CACNA2D2: variants seen among roughly 807,000 people sequenced by gnomAD.
CACNA2D2 encodes the protein voltage-dependent calcium channel subunit alpha-2/delta-2.
Under a neutral mutation model 166.4 loss-of-function variants are expected in CACNA2D2, and 48 were observed. The ratio of observed to expected loss-of-function variants is 0.29; its 90% CI spans 0.23 to 0.37. The LOEUF is 0.37. Ranked by LOEUF, CACNA2D2 falls within the 10% of genes least tolerant of loss-of-function variation. CACNA2D2 has a pLI of 1.00. For synonymous variants in CACNA2D2, 561 were observed against 573.7 expected (o/e 0.98, Z 0.32); for missense variants, 1,122 against 1,433.0 (o/e 0.78, Z 3.50).
intron 1 of CACNA2D2, among the ~76,000 whole-genome samples, chr3:50,485,347 G>A (rs1428840689): frequency 6.6e-6 from 1 of 152,206 alleles, no homozygotes; most frequent in Admixed American, 6.5e-5. Context: ...TCTGTGGACT[G>A]ACAAAACTGA....
At chr3:50,428,120 T>C (rs573601431) in intron 3 of CACNA2D2, among the ~76,000 whole-genome samples, 1 of 152,236 alleles carries the variant, frequency 6.6e-6, no homozygotes, top group African/African-American at 2.4e-5. Flanking sequence ...TGGGGCAACT[T>C]TGCCCCCAGG....
chr3:50,402,837 C>T (rs1706509130), intron 3 of CACNA2D2, among the ~76,000 whole-genome samples: 1 of 152,244 alleles, frequency 6.6e-6, no homozygotes, highest in South Asian at 2.1e-4. Context: ...ACATTTCTCT[C>T]ATCCTTAGAA....
At chr3:50,459,921 C>T (rs1340728660) in intron 2 of CACNA2D2, among the ~76,000 whole-genome samples, 1 of 152,140 alleles carries the variant, frequency 6.6e-6, no homozygotes, top group Non-Finnish European at 1.5e-5. Context: ...CTGCAGCCTG[C>T]TCCCACCAGA....
intron 3 of CACNA2D2, among the ~76,000 whole-genome samples, chr3:50,405,309 C>T (rs1424290244): frequency 7.2e-6 from 1 of 138,268 alleles, no homozygotes; most frequent in East Asian, 2.1e-4. Context: ...GGAATGGAGT[C>T]GTGGGTTGCA....
intron 3 of CACNA2D2, among the ~76,000 whole-genome samples, chr3:50,411,825 C>T (rs1707033731): frequency 6.6e-6 from 1 of 152,146 alleles, no homozygotes; most frequent in Admixed American, 6.5e-5. Flanking sequence ...GCCTGTGGCC[C>T]CTGGGAAAGA....
rs745556824 is a variant in CACNA2D2 at position 50,365,404 on chromosome 3, G to A, written c.3050C>T (p.Ser1017Leu). The A allele has an allele frequency of 6.2e-7, 1 of 1,613,644 alleles. No individual in the cohort carries two copies. The highest frequency in any genetic ancestry group is 8.5e-7 in the Non-Finnish European group (1 of 1,179,852). Reference protein sequence around the residue: ...VMKQTQYYFGSVNASYNAIID... With the variant: ...VMKQTQYYFGLVNASYNAIID... ...GATGGCGTTGTAGGAGGCGTTTACC[G>A]AGCCGAAGTAGTACTGGGTCTGTTT... Residue 1017 changes from serine (S) to leucine (L), a missense_variant, in exon 35 of 38, where the codon TCG becomes TTG. Physicochemically the swap from Ser to Leu is moderately radical, Grantham distance 145. Coordinates refer to ENST00000424201, the MANE Select transcript of CACNA2D2 (RefSeq NM_006030.4). The surrounding 1 kb of genome is among the most constrained non-coding windows in gnomAD (Gnocchi z 4.5).
chr3:50,481,766 C>T (rs193188651), intron 1 of CACNA2D2, among the ~76,000 whole-genome samples: 5 of 152,114 alleles, frequency 3.3e-5, no homozygotes, highest in Non-Finnish European at 7.4e-5. Flanking sequence ...AAGCCCCAGG[C>T]GGGCAGTTTG....
rs1699079753 is a variant in CACNA2D2 at position 50,503,554 on chromosome 3, G to T, written c.-131C>A. 6.0e-6 allele frequency: 1 copy of T among 167,942 alleles called. No homozygotes were observed. Among genetic ancestry groups the T allele is most frequent in the Non-Finnish European group, 1.3e-5 (1 of 79,076 alleles). 10.4% of individuals were successfully genotyped at this position (167,942 alleles called of 1,614,324 possible). A position where few individuals can be genotyped will look rare whatever the true frequency, so the allele number is the denominator to read the frequency against. On this transcript the variant is annotated 5_prime_UTR_variant, in exon 1 of 38. Coordinates refer to ENST00000424201, the MANE Select transcript of CACNA2D2 (RefSeq NM_006030.4). Reference sequence around the variant, plus strand: ...CTCCGCCGCCGCCTTCTCCGCGAGGGGCCTCCGGGGCTGCACGGGCCGCAG... The same window carrying T: ...CTCCGCCGCCGCCTTCTCCGCGAGGTGCCTCCGGGGCTGCACGGGCCGCAG...
At position 50,418,181 on chromosome 3, in the gene CACNA2D2, G is replaced by A. The variant is rs937681745; in HGVS notation, c.405+16132C>T. Among the ~76,000 whole-genome samples the A allele has an allele frequency of 1.4e-4, 22 of 152,220 alleles. No individual in the cohort carries two copies. The East Asian group carries it at 3.3e-3, about 23-fold the overall frequency. ...CCCCCACCTCGCCATCTGCAGAGCCGCAGAAGAGGGCACTGCCTGGGGCTG... is the reference window on the plus strand; with the variant it reads ...CCCCCACCTCGCCATCTGCAGAGCCACAGAAGAGGGCACTGCCTGGGGCTG... On this transcript the variant is annotated intron_variant, in intron 3 of 37. Transcript: ENST00000424201.
intron 3 of CACNA2D2, among the ~76,000 whole-genome samples, chr3:50,404,888 T>C (rs1271140171): frequency 6.6e-6 from 1 of 152,170 alleles, no homozygotes; most frequent in Non-Finnish European, 1.5e-5. Context: ...AATGGCACCG[T>C]CACTGGAAGA....
intron 3 of CACNA2D2, among the ~76,000 whole-genome samples, chr3:50,433,396 A>G (rs935588107): frequency 6.6e-6 from 1 of 151,694 alleles, no homozygotes; most frequent in South Asian, 2.1e-4. Flanking sequence ...TTTTTACTCT[A>G]TTGCCCAGGC....
intron 2 of CACNA2D2, among the ~76,000 whole-genome samples, chr3:50,465,694 T>C (rs992247085): frequency 1.3e-5 from 2 of 151,186 alleles, no homozygotes; most frequent in Non-Finnish European, 3.0e-5. Context: ...TGAAGGGAGG[T>C]GTTAAGAAGG....
chr3:50,498,562 C>T (rs1462830637), intron 1 of CACNA2D2, among the ~76,000 whole-genome samples: 1 of 152,226 alleles, frequency 6.6e-6, no homozygotes. Flanking sequence ...GGAAGGAAAG[C>T]TCTGGGCTGG....
intron 3 of CACNA2D2, among the ~76,000 whole-genome samples, chr3:50,420,921 G>A (rs1202494406): frequency 6.6e-6 from 1 of 152,360 alleles, no homozygotes; most frequent in Non-Finnish European, 1.5e-5. Flanking sequence ...TCTTAGCCCA[G>A]CCTGGGCCTG....
intron 3 of CACNA2D2, among the ~76,000 whole-genome samples, chr3:50,412,157 A>G (rs889634576): frequency 2.0e-5 from 3 of 152,182 alleles, no homozygotes; most frequent in African/African-American, 7.2e-5. Flanking sequence ...ATATTCTGCA[A>G]TTTTACTGGA....
intron 2 of CACNA2D2, among the ~76,000 whole-genome samples, chr3:50,443,183 C>G (rs1002074871): frequency 1.3e-5 from 2 of 152,232 alleles, no homozygotes; most frequent in African/African-American, 4.8e-5. Context: ...ACAGAAGTCG[C>G]CGGGTGCGGC....
chr3:50,453,951 G>C (rs766907091), intron 2 of CACNA2D2, among the ~76,000 whole-genome samples: 4 of 152,148 alleles, frequency 2.6e-5, no homozygotes, highest in Admixed American at 6.5e-5. Flanking sequence ...CCCGGGTCCT[G>C]CATCTGTTCT....
Position 50,365,723 on chromosome 3 carries a change from G to A in CACNA2D2, c.2916-35C>T. 1 of 1,599,678 alleles carries A rather than the reference G, an allele frequency of 6.3e-7. No individual in the cohort carries two copies. The highest frequency in any genetic ancestry group is 8.5e-7 in the Non-Finnish European group (1 of 1,173,464). ...ACGGGGAGCCGAGTGCAGGTGGTCA[G>A]CAGAGGACGATGCCATGCCCTACTT... On this transcript the variant is annotated intron_variant, in intron 33 of 37. Transcript: ENST00000424201. This position sits in a 1 kb window ranked among gnomAD's most constrained non-coding sequence, Gnocchi z 4.5.
chr3:50,366,618 G>A lies in CACNA2D2; in HGVS notation c.2597C>T (p.Pro866Leu), dbSNP rs745388407. Reference protein sequence around the residue: ...THQDQPQKCGPNSHCEMDCEV... With the variant: ...THQDQPQKCGLNSHCEMDCEV... ...GCAGTCCATCTCACAGTGGCTGTTG[G>A]GGCCGCACTGCTGGGCAGAGAGTGA... The change falls in exon 30 of 38, where the codon CCC becomes CTC. Residue 866 changes from proline (P) to leucine (L), a missense_variant. Coordinates refer to ENST00000424201, the MANE Select transcript of CACNA2D2 (RefSeq NM_006030.4). This position sits in a 1 kb window ranked among gnomAD's most constrained non-coding sequence, Gnocchi z 5.9. 3.7e-6 allele frequency: 6 copies of A among 1,613,780 alleles called. No homozygotes were observed. Among genetic ancestry groups the A allele is most frequent in the Non-Finnish European group, 5.1e-6 (6 of 1,180,014 alleles).
Sources: gnomAD v4.1 joint callset for allele counts (sites outside exome capture counted in the v4.1 genomes callset) on GRCh38, gnomAD v4.1.1 for gene constraint, Gnocchi (gnomAD v3.1) non-coding constraint, MANE v1.5 for transcripts, NCBI Gene and HGNC (gene_info 2026-07-23, HGNC 2026-07-21) for gene names.